Variants in OPCML observed in about 807,000 individuals in gnomAD.
The protein encoded by OPCML is opioid binding protein/cell adhesion molecule like.
Under a neutral mutation model 37.8 loss-of-function variants are expected in OPCML, and 13 were observed. That is an observed-to-expected ratio of 0.34 (90% CI 0.22 to 0.55). The LOEUF (loss-of-function observed/expected upper bound fraction) is 0.55. Among genes scored for constraint, OPCML ranks in the 20% least tolerant of loss-of-function variants. OPCML has a pLI of 0.91. For synonymous variants in OPCML, 176 were observed against 168.8 expected (o/e 1.04, Z -0.33); for missense variants, 341 against 435.6 (o/e 0.78, Z 1.93).
chr11:132,522,115 C>T (rs180825638), intron 4 of OPCML, among the ~76,000 whole-genome samples: 2 of 152,354 alleles, frequency 1.3e-5, no homozygotes, highest in Admixed American at 1.3e-4. Flanking sequence ...TCTTATTCAT[C>T]ACAATGCCTT....
At chr11:132,759,719 T>C (rs1490868789) in intron 2 of OPCML, among the ~76,000 whole-genome samples, 1 of 152,164 alleles carries the variant, frequency 6.6e-6, no homozygotes, top group Non-Finnish European at 1.5e-5. Flanking sequence ...TAGCAATCTA[T>C]CTATTTTGTT....
intron 4 of OPCML, among the ~76,000 whole-genome samples, chr11:132,467,350 C>G (rs1374096872): frequency 6.6e-6 from 1 of 152,210 alleles, no homozygotes; most frequent in Admixed American, 6.5e-5. Flanking sequence ...TCCTCACACT[C>G]CAGTTACCTA....
At chr11:132,681,461 T>G (rs1565771362) in intron 2 of OPCML, among the ~76,000 whole-genome samples, 2 of 152,044 alleles carry the variant, frequency 1.3e-5, no homozygotes, top group African/African-American at 4.8e-5. Context: ...TGGCATTTTT[T>G]CAGAAAGGAG....
At chr11:132,941,528 G>A (rs1292804482) in intron 2 of OPCML, among the ~76,000 whole-genome samples, 9 of 152,094 alleles carry the variant, frequency 5.9e-5, no homozygotes, top group Admixed American at 2.6e-4. Context: ...CTGCAAATGC[G>A]TATTGGGAAA....
intron 2 of OPCML, among the ~76,000 whole-genome samples, chr11:132,776,915 T>A (rs758950248): frequency 6.6e-6 from 1 of 151,906 alleles, no homozygotes; most frequent in Non-Finnish European, 1.5e-5. Context: ...TTTCCCTCTA[T>A]CAAAGGCCAG....
rs1218926971 is a variant in OPCML at position 132,612,018 on chromosome 11, T to C, written c.379+45069A>G. On this transcript the variant is annotated intron_variant, in intron 3 of 7. Coordinates refer to ENST00000524381, the MANE Select transcript of OPCML (RefSeq NM_001012393.5). Reference sequence around the variant, plus strand: ...GTTCTGACCTTGGTGTTTGATTATATATGCTGCCAGAAAATGGTATAATAA... The same window carrying C: ...GTTCTGACCTTGGTGTTTGATTATACATGCTGCCAGAAAATGGTATAATAA... 2.0e-5 allele frequency among the ~76,000 whole-genome samples: 3 copies of C among 152,198 alleles called. No individual in the cohort carries two copies. The East Asian group carries it at 5.8e-4, about 29-fold the overall frequency.
intron 1 of OPCML, among the ~76,000 whole-genome samples, chr11:133,194,682 C>G (rs1938466600): frequency 6.6e-6 from 1 of 152,212 alleles, no homozygotes; most frequent in Non-Finnish European, 1.5e-5. Context: ...AACACAAAAG[C>G]CTCTTCCTCA....
intron 2 of OPCML, among the ~76,000 whole-genome samples, chr11:132,925,805 T>A (rs1256752296): frequency 6.6e-6 from 1 of 151,940 alleles, no homozygotes; most frequent in Non-Finnish European, 1.5e-5. Flanking sequence ...GTGTTGAGGG[T>A]TTTTTCTTGT....
intron 1 of OPCML, among the ~76,000 whole-genome samples, chr11:133,135,193 T>C (rs1949668511): frequency 6.6e-6 from 1 of 152,216 alleles, no homozygotes; most frequent in Admixed American, 6.5e-5. Context: ...TTATCTCTTG[T>C]GATCTTCACA....
intron 3 of OPCML, among the ~76,000 whole-genome samples, chr11:132,631,990 C>T (rs1424534750): frequency 6.6e-6 from 1 of 151,846 alleles, no homozygotes; most frequent in Non-Finnish European, 1.5e-5. Context: ...AAGTTTTGTC[C>T]AGGTTTTCAG....
chr11:133,024,186 T>C (rs946442549), intron 1 of OPCML, among the ~76,000 whole-genome samples: 2 of 152,180 alleles, frequency 1.3e-5, no homozygotes, highest in Non-Finnish European at 2.9e-5. Flanking sequence ...ACTGTTTTCC[T>C]GGAGACAGCG....
chr11:133,257,290 G>A (rs543290312), intron 1 of OPCML, among the ~76,000 whole-genome samples: 68 of 152,286 alleles, frequency 4.5e-4, no homozygotes, highest in African/African-American at 1.6e-3. Context: ...TTCCTGAATA[G>A]GAGTCCAAGT....
intron 1 of OPCML, among the ~76,000 whole-genome samples, chr11:133,348,742 C>T (rs1393853798): frequency 1.3e-5 from 2 of 152,232 alleles, no homozygotes; most frequent in Admixed American, 6.5e-5. Context: ...GTATAAAGGC[C>T]GTGATACAAG....
intron 3 of OPCML, among the ~76,000 whole-genome samples, chr11:132,606,348 A>G (rs1286897460): frequency 6.6e-6 from 1 of 152,126 alleles, no homozygotes; most frequent in Non-Finnish European, 1.5e-5. Flanking sequence ...CTGTCCCACG[A>G]TGGCAGCTGT....
At chr11:133,185,775 C>T (rs967159110) in intron 1 of OPCML, among the ~76,000 whole-genome samples, 3 of 152,164 alleles carry the variant, frequency 2.0e-5, no homozygotes, top group Non-Finnish European at 4.4e-5. Flanking sequence ...CCTATCCTTC[C>T]TTGCACTCCC....
At chr11:132,632,377 A>G (rs936373565) in intron 3 of OPCML, among the ~76,000 whole-genome samples, 4 of 151,544 alleles carry the variant, frequency 2.6e-5, no homozygotes, top group Non-Finnish European at 5.9e-5. Flanking sequence ...TCCTTAACTC[A>G]TTACACCTTC....
chr11:132,628,216 A>G (rs539459693), intron 3 of OPCML, among the ~76,000 whole-genome samples: 59 of 152,272 alleles, frequency 3.9e-4, no homozygotes, highest in South Asian at 2.5e-3. Flanking sequence ...CCATGAACAG[A>G]GAAGGAGAGA....
chr11:133,073,875 A>G (rs1339116836), intron 1 of OPCML, among the ~76,000 whole-genome samples: 1 of 152,248 alleles, frequency 6.6e-6, no homozygotes, highest in South Asian at 2.1e-4. Flanking sequence ...GCAATAAATT[A>G]TCATACTTGT....
intron 2 of OPCML, among the ~76,000 whole-genome samples, chr11:132,727,710 C>T (rs953110910): frequency 6.6e-6 from 1 of 152,218 alleles, no homozygotes; most frequent in African/African-American, 2.4e-5. Context: ...GGGGCTGGCA[C>T]TTCTGCTCTG....
Sources: allele counts gnomAD v4.1 joint callset (sites outside exome capture counted in the v4.1 genomes callset), GRCh38; gene constraint gnomAD v4.1.1; transcripts MANE v1.5; gene names NCBI Gene and HGNC (gene_info 2026-07-23, HGNC 2026-07-21).